NCAPG2: variants seen among roughly 807,000 people sequenced by gnomAD.
The protein encoded by NCAPG2 is non-SMC condensin II complex subunit G2.
A neutral mutation model predicts 141.1 loss-of-function variants in NCAPG2; 53 were observed. That is an observed-to-expected ratio of 0.38 (90% confidence interval 0.30 to 0.47). The LOEUF is 0.47. NCAPG2 is among the 20% of genes least tolerant of loss of function. The probability of loss-of-function intolerance (pLI) is 0.99; values close to 1 mark genes in which losing one functional copy is unlikely to be tolerated. For synonymous variants in NCAPG2, 499 were observed against 490.7 expected (o/e 1.02, Z -0.22); for missense variants, 1,087 against 1,389.0 (o/e 0.78, Z 3.46).
At chr7:158,652,148 G>T (rs58003325) in intron 23 of NCAPG2, 145 bp downstream of exon 23, 1 of 785,184 alleles carries the variant, frequency 1.3e-6, no homozygotes, top group Non-Finnish European at 2.0e-6. Context: ...ATCTCTCTCA[G>T]TGCACCTCGC....
intron 11 of NCAPG2, among the ~76,000 whole-genome samples, chr7:158,677,144 TA>T (rs748851502): frequency 2.0e-5 from 3 of 152,050 alleles, no homozygotes; most frequent in Admixed American, 6.6e-5. Context: ...AAATGGTTTC[TA>T]AACCACGTGT....
chr7:158,699,862 C>T (rs750710928), intron 2 of NCAPG2, among the ~76,000 whole-genome samples: 9 of 152,154 alleles, frequency 5.9e-5, no homozygotes, highest in Non-Finnish European at 8.8e-5. Context: ...CTGTTTTTAA[C>T]ATGTCACTGG....
At chr7:158,702,091 A>G (rs1449064042) in intron 1 of NCAPG2, among the ~76,000 whole-genome samples, 153 bp from the exon 2 acceptor site, 1 of 152,222 alleles carries the variant, frequency 6.6e-6, no homozygotes, top group South Asian at 2.1e-4. Context: ...ACACGCTATA[A>G]TATCTGAAAA....
rs753500985 is a variant in NCAPG2, at chr7:158,655,197, C to G, written c.2567G>C (p.Ser856Thr). The change falls in exon 21 of 28, where the codon AGC (serine) becomes ACC (threonine). Residue 856 changes from serine (S) to threonine (T), a missense_variant. Transcript: ENST00000356309. ...ATCTTGAATAAAAGATAAAATTTTG[C>G]TTTCTAACCAAAAGCCAGTGTCTTC... ...MLEDTGFWLESKILSFIQDQE... is the reference protein window; with the variant it reads ...MLEDTGFWLETKILSFIQDQE... The G allele has an allele frequency of 9.9e-6, 16 of 1,613,980 alleles. No homozygotes were observed. The highest frequency in any genetic ancestry group is 1.6e-4 in the Middle Eastern group (1 of 6,084).
intron 10 of NCAPG2, 43 bp downstream of exon 10, chr7:158,680,678 A>G: frequency 7.6e-7 from 1 of 1,308,050 alleles, no homozygotes; most frequent in Non-Finnish European, 1.0e-6. Flanking sequence ...CAAAAGCACA[A>G]GTAGTACATT....
intron 9 of NCAPG2, among the ~76,000 whole-genome samples, chr7:158,682,069 C>G (rs549885823): frequency 6.6e-6 from 1 of 151,928 alleles, no homozygotes; most frequent in East Asian, 1.9e-4. Context: ...TAATATTCTC[C>G]CTTTAAATTC....
At chr7:158,675,214 A>G (rs545887469) in intron 12 of NCAPG2, among the ~76,000 whole-genome samples, 1 of 152,354 alleles carries the variant, frequency 6.6e-6, no homozygotes, top group Non-Finnish European at 1.5e-5. Flanking sequence ...GACATTACAC[A>G]AAGAGACAAA....
chr7:158,645,562 C>T lies in NCAPG2; in HGVS notation c.3237G>A (p.Val1079=). 1.2e-6 allele frequency: 2 copies of T among 1,614,200 alleles called. No individual in the cohort carries two copies. The highest frequency in any genetic ancestry group is 2.2e-5 in the South Asian group (2 of 91,086). ...TAATATGCACAGCAGCCGTGAGGCA[C>T]ACAATGCCTTCAATATCATTAGAAG... ...CVASNDIEGI[V]CLTAAVHIIL... The change falls in exon 26 of 28, where the codon GTG becomes GTA. Residue 1079 remains valine, a synonymous_variant. Transcript: ENST00000356309.
At chr7:158,637,782 C>T (rs1284845087) in intron 27 of NCAPG2, among the ~76,000 whole-genome samples, 1 of 152,196 alleles carries the variant, frequency 6.6e-6, no homozygotes, top group Non-Finnish European at 1.5e-5. Context: ...TCTGCTAGTC[C>T]TGTATTCTCT....
At chr7:158,693,540 T>G (rs907161626) in intron 2 of NCAPG2, 43 bp from the exon 3 acceptor site, 1 of 1,508,338 alleles carries the variant, frequency 6.6e-7, no homozygotes, top group Admixed American at 1.9e-5. Context: ...ATACAAAAAA[T>G]TAATCATATC....
chr7:158,671,932 T>G (rs1320067414), intron 12 of NCAPG2, among the ~76,000 whole-genome samples: 1 of 152,194 alleles, frequency 6.6e-6, no homozygotes, highest in African/African-American at 2.4e-5. Context: ...AAAAGAAATC[T>G]TTAATGCTCT....
At chr7:158,655,295 GA>G (rs1423210469) in intron 20 of NCAPG2, 37 bp from the exon 21 acceptor site, 12 of 1,613,748 alleles carry the variant, frequency 7.4e-6, no homozygotes, top group Non-Finnish European at 1.0e-5. Context: ...GTAACAAAAA[GA>G]GCACTGTGTA....
intron 5 of NCAPG2, among the ~76,000 whole-genome samples, chr7:158,690,319 T>G (rs1835039582): frequency 6.6e-6 from 1 of 152,328 alleles, no homozygotes; most frequent in East Asian, 1.9e-4. Context: ...AACTTTAAAT[T>G]TAAACAGCTT....
chr7:158,655,092 G>A (rs544153673), intron 21 of NCAPG2, 26 bp downstream of exon 21: 2 of 1,568,528 alleles, frequency 1.3e-6, no homozygotes, highest in African/African-American at 1.4e-5. Flanking sequence ...TAAAGAGAAA[G>A]TTTTCTGTGT....
intron 27 of NCAPG2, among the ~76,000 whole-genome samples, chr7:158,636,925 T>C (rs1253493843): frequency 1.3e-5 from 2 of 152,026 alleles, no homozygotes; most frequent in Non-Finnish European, 2.9e-5. Context: ...CTAAGGCCAA[T>C]AGTCTATTGG....
At position 158,647,581 on chromosome 7, in the gene NCAPG2, T is replaced by G. The variant is rs1426673971; in HGVS notation, c.3076-1018A>C. Among the ~76,000 whole-genome samples the G allele has an allele frequency of 2.0e-5, 3 of 152,352 alleles. No individual in the cohort carries two copies. The East Asian group carries it at 5.8e-4, about 29-fold the overall frequency. ...GAAACTTATGCCTTGGTTTTCCACCTGTAATAGCTGAGACATGAATATGCC... is the reference window on the plus strand; with the variant it reads ...GAAACTTATGCCTTGGTTTTCCACCGGTAATAGCTGAGACATGAATATGCC... On this transcript the variant is annotated intron_variant, in intron 24 of 27. Transcript: ENST00000356309.
intron 13 of NCAPG2, among the ~76,000 whole-genome samples, chr7:158,667,450 GGGTCCCTCCGCCCGCCTTAC>G: frequency 7.2e-6 from 1 of 139,442 alleles, no homozygotes; most frequent in African/African-American, 2.8e-5. Context: ...ACCCACTACT[GGGTCCCTCCGCCCGCCTTAC>G]CCACTACTGG....
Position 158,631,536 on chromosome 7 carries a change from T to C in NCAPG2, c.*130A>G. On this transcript the variant is annotated 3_prime_UTR_variant, in exon 28 of 28. Transcript: ENST00000356309. Reference sequence around the variant, plus strand: ...CCTCCATAACCCCCACCTTCCCACATTCCCACAAAAAAATCCCACCCTTTC... The same window carrying C: ...CCTCCATAACCCCCACCTTCCCACACTCCCACAAAAAAATCCCACCCTTTC... 1 of 911,480 alleles carries C rather than the reference T, an allele frequency of 1.1e-6. No homozygotes were observed. Among genetic ancestry groups the C allele is most frequent in the Non-Finnish European group, 1.8e-6 (1 of 567,974 alleles). The allele number at this position is 911,480 out of a possible 1,614,324, so 56.5% of individuals were successfully genotyped here. A position where few individuals can be genotyped will look rare whatever the true frequency, so the allele number is the denominator to read the frequency against.
intron 27 of NCAPG2, 51 bp downstream of exon 27, chr7:158,644,238 G>T (rs1830842145): frequency 6.9e-7 from 1 of 1,449,348 alleles, no homozygotes. Flanking sequence ...CAGATCCAAA[G>T]AAGAATGAGC....
Sources: gnomAD v4.1 joint callset for allele counts (sites outside exome capture counted in the v4.1 genomes callset) on GRCh38, gnomAD v4.1.1 for gene constraint, MANE v1.5 for transcripts, NCBI Gene and HGNC (gene_info 2026-07-23, HGNC 2026-07-21) for gene names.